The following ANO6 variants were observed in gnomAD, a reference collection of about 807,000 sequenced individuals.
ANO6 encodes the protein anoctamin 6.
ANO6 carries 106 observed loss-of-function variants against 117.5 expected under a neutral mutation model. The ratio of observed to expected loss-of-function variants is 0.90; its 90% CI spans 0.77 to 1.06. The LOEUF is 1.06. ANO6 is among the 50% of genes least tolerant of loss of function. The pLI is 0.00. For missense variants in ANO6, 955 were observed against 1,121.1 expected, an observed-to-expected ratio of 0.85 and a Z score of 2.12; for synonymous variants, 367 against 385.1, an observed-to-expected ratio of 0.95 and a Z score of 0.55.
chr12:45,276,614 C>G (rs1342167647), intron 1 of ANO6, among the ~76,000 whole-genome samples: 1 of 152,152 alleles, frequency 6.6e-6, no homozygotes, highest in Non-Finnish European at 1.5e-5. Flanking sequence ...CTCTTAATCT[C>G]TGCTATATCA....
chr12:45,259,732 G>C (rs1937959400), intron 1 of ANO6, among the ~76,000 whole-genome samples: 2 of 152,226 alleles, frequency 1.3e-5, no homozygotes, highest in African/African-American at 4.8e-5. Context: ...CAGGAAACAT[G>C]ATGGGGTTGA....
At chr12:45,377,616 C>T (rs1942063206) in intron 9 of ANO6, among the ~76,000 whole-genome samples, 1 of 152,104 alleles carries the variant, frequency 6.6e-6, no homozygotes, top group African/African-American at 2.4e-5. Flanking sequence ...TGAAACTTAC[C>T]CTCTGACCAG....
intron 3 of ANO6, among the ~76,000 whole-genome samples, chr12:45,338,019 C>T (rs538496535): frequency 9.9e-5 from 15 of 151,664 alleles, no homozygotes; most frequent in African/African-American, 3.6e-4. Flanking sequence ...AATATAAAAG[C>T]CAGAAAAATA....
At chr12:45,244,139 G>C (rs1314447330) in intron 1 of ANO6, among the ~76,000 whole-genome samples, 1 of 152,184 alleles carries the variant, frequency 6.6e-6, no homozygotes, top group Non-Finnish European at 1.5e-5. Context: ...TCTGATGACA[G>C]AATGTGAAAG....
At chr12:45,320,263 A>T (rs1440128534) in intron 2 of ANO6, among the ~76,000 whole-genome samples, 1 of 151,864 alleles carries the variant, frequency 6.6e-6, no homozygotes, top group African/African-American at 2.4e-5. Context: ...TTTAGTGCTA[A>T]TAATTTCCCT....
chr12:45,422,042 G>A (rs927633727), intron 18 of ANO6, among the ~76,000 whole-genome samples: 3 of 152,172 alleles, frequency 2.0e-5, no homozygotes, highest in African/African-American at 7.2e-5. Context: ...ATAAATGTTT[G>A]TGTTACACCT....
chr12:45,372,401 C>T (rs1419562828), intron 9 of ANO6, among the ~76,000 whole-genome samples: 2 of 141,606 alleles, frequency 1.4e-5, no homozygotes, highest in Non-Finnish European at 3.0e-5. Context: ...CTCCAAGACA[C>T]ATAATTGTCA....
chr12:45,421,552 C>G (rs772873181), intron 18 of ANO6, among the ~76,000 whole-genome samples: 8 of 152,054 alleles, frequency 5.3e-5, no homozygotes, highest in Non-Finnish European at 7.4e-5. Context: ...ACTTTCAGAC[C>G]AAACCATAAA....
chr12:45,361,405 G>C (rs535588881), intron 8 of ANO6, among the ~76,000 whole-genome samples: 1 of 152,164 alleles, frequency 6.6e-6, no homozygotes, highest in African/African-American at 2.4e-5. Context: ...CTGCAACCTT[G>C]CTAAACTGGC....
chr12:45,238,151 C>CTTTTTTTTTTTTTT (rs71437709), intron 1 of ANO6, among the ~76,000 whole-genome samples: 3 of 130,870 alleles, frequency 2.3e-5, no homozygotes, highest in African/African-American at 8.7e-5. Context: ...TTTTCTTTTT[C>CTTTTTTTTTTTTTT]TTTTTTTTTT....
intron 1 of ANO6, among the ~76,000 whole-genome samples, chr12:45,219,087 G>A (rs370276883): frequency 6.6e-6 from 1 of 152,056 alleles, no homozygotes; most frequent in Non-Finnish European, 1.5e-5. Flanking sequence ...TTACAGGCAT[G>A]AGCCACTGTA....
chr12:45,428,093 T>C (rs1943548375), intron 19 of ANO6, among the ~76,000 whole-genome samples: 1 of 152,104 alleles, frequency 6.6e-6, no homozygotes, highest in Admixed American at 6.5e-5. Context: ...GTCTCAGCAG[T>C]CCCACTCCTA....
intron 3 of ANO6, among the ~76,000 whole-genome samples, chr12:45,343,707 T>C: frequency 6.6e-6 from 1 of 152,102 alleles, no homozygotes; most frequent in East Asian, 1.9e-4. Flanking sequence ...TAAATAAGGT[T>C]AGAGATAGGC....
intron 1 of ANO6, among the ~76,000 whole-genome samples, chr12:45,223,993 C>T (rs1004935966): frequency 6.6e-6 from 1 of 152,174 alleles, no homozygotes; most frequent in Non-Finnish European, 1.5e-5. Context: ...TGAGATACCC[C>T]CAGTTATCTG....
At chr12:45,294,966 G>A (rs77879575) in intron 1 of ANO6, among the ~76,000 whole-genome samples, 1,866 of 152,266 alleles carry the variant, frequency 0.012, 36 homozygotes, top group African/African-American at 0.042. Context: ...CTTCACGTCA[G>A]TTTCATATAT....
chr12:45,427,811 G>T (rs542080017), intron 19 of ANO6, among the ~76,000 whole-genome samples: 1 of 151,456 alleles, frequency 6.6e-6, no homozygotes, highest in East Asian at 1.9e-4. Flanking sequence ...ATGGTGGCAG[G>T]TACCTGTAAT....
At chr12:45,363,213 A>G (rs889449759) in intron 8 of ANO6, among the ~76,000 whole-genome samples, 6 of 152,126 alleles carry the variant, frequency 3.9e-5, no homozygotes, top group Non-Finnish European at 4.4e-5. Context: ...ATATTATGTC[A>G]GCACTTGAAA....
At chr12:45,286,340 G>A (rs770928437) in intron 1 of ANO6, among the ~76,000 whole-genome samples, 2 of 152,068 alleles carry the variant, frequency 1.3e-5, no homozygotes, top group Admixed American at 1.3e-4. Flanking sequence ...GTTATATTTG[G>A]CCTAAAATAA....
chr12:45,314,876 TCTAA>T (rs1331814460), intron 2 of ANO6, among the ~76,000 whole-genome samples: 5 of 152,114 alleles, frequency 3.3e-5, no homozygotes, highest in African/African-American at 1.2e-4. Context: ...CAAGCTGATA[TCTAA>T]CTATCACAGT....
Sources: gnomAD v4.1 joint callset for allele counts (sites outside exome capture counted in the v4.1 genomes callset) on GRCh38, gnomAD v4.1.1 for gene constraint, MANE v1.5 for transcripts, NCBI Gene and HGNC (gene_info 2026-07-23, HGNC 2026-07-21) for gene names.